ASAP1: variants seen among roughly 807,000 people sequenced by gnomAD.
The protein encoded by ASAP1 is ArfGAP with SH3 domain, ankyrin repeat and PH domain 1.
ASAP1 carries 43 observed loss-of-function variants against 145.2 expected under a neutral mutation model. That is an observed-to-expected ratio of 0.30 (90% CI 0.23 to 0.38). The LOEUF (loss-of-function observed/expected upper bound fraction) is 0.38. ASAP1 is among the 10% of genes least tolerant of loss of function. The probability of loss-of-function intolerance (pLI) is 1.00; values close to 1 mark genes in which losing one functional copy is unlikely to be tolerated. For missense variants in ASAP1, 1,018 were observed against 1,355.3 expected (o/e 0.75, Z 3.91); for synonymous variants, 546 against 515.5 (o/e 1.06, Z -0.80).
At chr8:130,158,610 A>C (rs938361509) in intron 12 of ASAP1, among the ~76,000 whole-genome samples, 1 of 152,150 alleles carries the variant, frequency 6.6e-6, no homozygotes, top group African/African-American at 2.4e-5. Flanking sequence ...AACAGAAAAG[A>C]AGCCTCATGT....
intron 1 of ASAP1, among the ~76,000 whole-genome samples, chr8:130,404,846 T>C (rs569545837): frequency 1.3e-5 from 2 of 152,282 alleles, no homozygotes; most frequent in African/African-American, 2.4e-5. Context: ...CCCAAGTCTA[T>C]TCCTCTTGCC....
chr8:130,220,990 T>A (rs1817260863), intron 4 of ASAP1, among the ~76,000 whole-genome samples: 1 of 150,456 alleles, frequency 6.6e-6, no homozygotes, highest in African/African-American at 2.5e-5. Flanking sequence ...TCCCCCAACA[T>A]GTGGGGATTA....
intron 7 of ASAP1, among the ~76,000 whole-genome samples, chr8:130,183,243 G>A (rs1814490738): frequency 6.7e-6 from 1 of 149,816 alleles, no homozygotes; most frequent in Non-Finnish European, 1.5e-5. Flanking sequence ...AAATAAATGG[G>A]AATCAGAAAG....
At chr8:130,140,764 TGAGG>T (rs2097608783) in intron 13 of ASAP1, among the ~76,000 whole-genome samples, 1 of 152,164 alleles carries the variant, frequency 6.6e-6, no homozygotes, top group East Asian at 1.9e-4. Flanking sequence ...GAGCTGCCAG[TGAGG>T]CACTTGACAA....
At chr8:130,144,233 C>T (rs2097621187) in intron 13 of ASAP1, among the ~76,000 whole-genome samples, 1 of 152,146 alleles carries the variant, frequency 6.6e-6, no homozygotes, top group Non-Finnish European at 1.5e-5. Context: ...GATCTTATCG[C>T]CAGAATTTTA....
At chr8:130,442,115 T>C (rs1340865677) in intron 1 of ASAP1, among the ~76,000 whole-genome samples, 1 of 152,228 alleles carries the variant, frequency 6.6e-6, no homozygotes, top group Non-Finnish European at 1.5e-5. Context: ...TCTCAAAATA[T>C]GCAGTTTGAA....
chr8:130,136,847 C>T, intron 14 of ASAP1, 104 bp downstream of exon 14: 2 of 971,738 alleles, frequency 2.1e-6, no homozygotes, highest in Non-Finnish European at 3.3e-6. Flanking sequence ...GTTCCAATGC[C>T]AACTGTGAGG....
intron 3 of ASAP1, among the ~76,000 whole-genome samples, chr8:130,245,536 G>C (rs1217664801): frequency 1.3e-5 from 2 of 152,104 alleles, no homozygotes; most frequent in Non-Finnish European, 2.9e-5. Flanking sequence ...ACAATTCTAA[G>C]GATTTAGTCC....
intron 25 of ASAP1, among the ~76,000 whole-genome samples, chr8:130,080,660 T>C (rs1005699957): frequency 6.6e-6 from 1 of 150,960 alleles, no homozygotes; most frequent in Non-Finnish European, 1.5e-5. Context: ...TGAGATGGAG[T>C]CTCACTCTGT....
chr8:130,153,332 AATATAT>A (rs67554567), intron 12 of ASAP1, among the ~76,000 whole-genome samples: 6 of 87,512 alleles, frequency 6.9e-5, no homozygotes, highest in African/African-American at 1.3e-4. Flanking sequence ...CTGCTTTTTA[AATATAT>A]ATATATATAT....
chr8:130,143,969 C>A (rs1206119475), intron 13 of ASAP1, among the ~76,000 whole-genome samples: 1 of 152,146 alleles, frequency 6.6e-6, no homozygotes, highest in Non-Finnish European at 1.5e-5. Context: ...GGAAAATAGG[C>A]CTGACCCAGC....
In ASAP1 at chr8:130,377,230, T is replaced by C. The variant is rs181994570; in HGVS notation, c.60-19087A>G. 5.9e-5 allele frequency among the ~76,000 whole-genome samples: 9 copies of C among 151,502 alleles called. No individual in the cohort carries two copies. In the East Asian group the frequency reaches 1.7e-3, roughly 29 times the overall value. ...ACTTTGGGGACTCAGGGGGAAAGGG[T>C]AGGAAGGGGGTGAGGAATAAAAGAC... On this transcript the variant is annotated intron_variant, in intron 2 of 29. Coordinates refer to ENST00000518721, the MANE Select transcript of ASAP1 (RefSeq NM_018482.4).
chr8:130,398,143 G>A (rs56323699), intron 2 of ASAP1, among the ~76,000 whole-genome samples: 6,231 of 152,244 alleles, frequency 0.041, 193 homozygotes, highest in African/African-American at 0.091. Flanking sequence ...TGACATATAA[G>A]ATACATACAC....
chr8:130,140,344 ATTTC>A (rs1208012216), intron 13 of ASAP1, among the ~76,000 whole-genome samples: 55 of 150,460 alleles, frequency 3.7e-4, no homozygotes, highest in South Asian at 8.4e-4. Context: ...CTCAGCTCTC[ATTTC>A]TTTCTTTCTT....
chr8:130,102,753 T>G (rs1445208449), intron 24 of ASAP1, among the ~76,000 whole-genome samples: 1 of 152,218 alleles, frequency 6.6e-6, no homozygotes, highest in Non-Finnish European at 1.5e-5. Context: ...TGGTGTGATC[T>G]TGACTCACTG....
intron 9 of ASAP1, 47 bp from the exon 10 acceptor site, chr8:130,169,114 G>A (rs755979211): frequency 1.4e-4 from 163 of 1,146,720 alleles, no homozygotes; most frequent in Non-Finnish European, 1.9e-4. Context: ...AAAAAAAAAA[G>A]AGTATTTGTT....
chr8:130,260,034 G>C (rs1380069051), intron 3 of ASAP1, among the ~76,000 whole-genome samples: 1 of 151,794 alleles, frequency 6.6e-6, no homozygotes, highest in Non-Finnish European at 1.5e-5. Context: ...TTTTTGAAAA[G>C]AACAAAAAAG....
chr8:130,162,687 G>C (rs553544835), intron 11 of ASAP1, among the ~76,000 whole-genome samples: 8 of 151,852 alleles, frequency 5.3e-5, no homozygotes, highest in African/African-American at 1.7e-4. Context: ...GCGTGGTGGC[G>C]GGCGCCTGTA....
intron 3 of ASAP1, among the ~76,000 whole-genome samples, chr8:130,356,021 T>C (rs1278779440): frequency 6.6e-6 from 1 of 152,228 alleles, no homozygotes; most frequent in African/African-American, 2.4e-5. Context: ...CCTAAGTGAC[T>C]ACACTTGCAT....
Sources: allele counts gnomAD v4.1 joint callset (sites outside exome capture counted in the v4.1 genomes callset), GRCh38; gene constraint gnomAD v4.1.1; transcripts MANE v1.5; gene names NCBI Gene and HGNC (gene_info 2026-07-23, HGNC 2026-07-21).